The following SYNE2 variants were observed in gnomAD, a reference collection of about 807,000 sequenced individuals.
SYNE2 encodes the protein nesprin-2.
SYNE2 carries 431 observed loss-of-function variants against 856.3 expected under a neutral mutation model. That is an observed-to-expected ratio of 0.50 (90% CI 0.47 to 0.55). The LOEUF is 0.55. Ranked by LOEUF, SYNE2 falls within the 20% of genes least tolerant of loss-of-function variation. The pLI is 0.00. For missense variants in SYNE2, 8,129 were observed against 8,023.2 expected (o/e 1.01, Z -0.50); for synonymous variants, 2,923 against 2,872.3 (o/e 1.02, Z -0.56).
intron 13 of SYNE2, 105 bp downstream of exon 13, chr14:63,978,122 G>A (rs2096558561): frequency 2.5e-6 from 2 of 792,080 alleles, no homozygotes; most frequent in African/African-American, 1.7e-5. Flanking sequence ...TTTTTACCAA[G>A]TATTCTCCTT....
At chr14:63,815,205 C>CATATACATATGGATATATAT (rs1888910801) in intron 1 of SYNE2, among the ~76,000 whole-genome samples, 1 of 94,612 alleles carries the variant, frequency 1.1e-5, no homozygotes, top group Non-Finnish European at 2.2e-5. Flanking sequence ...TATATATATC[C>CATATACATATGGATATATAT]ATATATATAT....
At chr14:64,224,693 CTCTAGTCACTCT>C (rs1389782502) in intron 114 of SYNE2, 146 bp downstream of exon 114, 1 of 888,954 alleles carries the variant, frequency 1.1e-6, no homozygotes, top group Non-Finnish European at 1.8e-6. Context: ...TACAGTCTGC[CTCTAGTCACTCT>C]TCTTTGGGAT....
intron 32 of SYNE2, among the ~76,000 whole-genome samples, chr14:64,013,993 C>T (rs1284692442): frequency 5.3e-5 from 8 of 152,094 alleles, no homozygotes; most frequent in Non-Finnish European, 8.8e-5. Flanking sequence ...TTTCTAGCCC[C>T]ATCCACTTCC....
chr14:63,874,874 A>C (rs1315683823), intron 1 of SYNE2, among the ~76,000 whole-genome samples: 1 of 152,162 alleles, frequency 6.6e-6, no homozygotes, highest in Non-Finnish European at 1.5e-5. Flanking sequence ...TGATTTAATG[A>C]CATAGAAAAT....
chr14:63,943,513 G>A (rs184714601), intron 6 of SYNE2, among the ~76,000 whole-genome samples: 3 of 152,044 alleles, frequency 2.0e-5, no homozygotes, highest in Admixed American at 2.0e-4. Flanking sequence ...TTCTGGATAC[G>A]TGCATTTGTA....
chr14:63,985,834 C>T (rs2096621298), intron 18 of SYNE2, among the ~76,000 whole-genome samples: 1 of 152,110 alleles, frequency 6.6e-6, no homozygotes, highest in Non-Finnish European at 1.5e-5. Context: ...CACAGTGAGA[C>T]CCCATCTCTA....
intron 63 of SYNE2, 81 bp from the exon 64 acceptor site, chr14:64,101,851 A>G: frequency 1.0e-6 from 1 of 1,001,808 alleles, no homozygotes; most frequent in Admixed American, 1.8e-5. Flanking sequence ...AGTCTGGTAT[A>G]AAAGACGTGA....
chr14:63,897,765 T>C (rs1437658343), intron 1 of SYNE2, among the ~76,000 whole-genome samples: 1 of 152,124 alleles, frequency 6.6e-6, no homozygotes, highest in Non-Finnish European at 1.5e-5. Context: ...TGTTTATTCC[T>C]CAAGGACCCC....
At chr14:64,209,613 A>G in intron 102 of SYNE2, 35 bp downstream of exon 102, 1 of 1,612,734 alleles carries the variant, frequency 6.2e-7, no homozygotes, top group Non-Finnish European at 8.5e-7. Context: ...TCCTGATCAT[A>G]ACCAAGCCTG....
intron 1 of SYNE2, among the ~76,000 whole-genome samples, chr14:63,788,834 T>C (rs1373276307): frequency 6.6e-6 from 1 of 152,180 alleles, no homozygotes; most frequent in Non-Finnish European, 1.5e-5. Context: ...AGAACTAGCA[T>C]ATGATCCAGC....
intron 78 of SYNE2, among the ~76,000 whole-genome samples, chr14:64,135,777 C>T (rs1427586532): frequency 6.6e-6 from 1 of 152,178 alleles, no homozygotes; most frequent in African/African-American, 2.4e-5. Context: ...AAGACATATC[C>T]TGTAAAGCCC....
At chr14:63,794,299 A>G (rs7493843) in intron 1 of SYNE2, among the ~76,000 whole-genome samples, 96,144 of 152,038 alleles carry the variant, frequency 0.63, 30,861 homozygotes, top group South Asian at 0.75. Flanking sequence ...TTGGCTCACC[A>G]CAACCTCCGC....
rs750341136 is a variant in SYNE2, at chr14:64,218,444, C to T, written c.19589C>T (p.Pro6530Leu). 74 of 1,613,946 alleles carry T rather than the reference C, an allele frequency of 4.6e-5. No individual in the cohort carries two copies. Among genetic ancestry groups the T allele is most frequent in the Non-Finnish European group, 5.4e-5 (64 of 1,180,020 alleles). Residue 6530 changes from proline (P) to leucine (L), a missense_variant, in exon 109 of 116, where the codon CCG becomes CTG. By Grantham distance (98) the Pro-to-Leu change is moderately conservative (BLOSUM62 -3). This residue lies in a region of SYNE2 where 5,410 missense variants were observed against 5,284.8 expected (regional missense o/e 1.02). Transcript: ENST00000555002. ...GGCACGGATGGTGGCAAAGAAGGCCCGCGAGTCCTGAATGGCAACCCACAG... is the reference window on the plus strand; with the variant it reads ...GGCACGGATGGTGGCAAAGAAGGCCTGCGAGTCCTGAATGGCAACCCACAG... ...PPGTDGGKEG[P>L]RVLNGNPQQE...
At chr14:64,114,954 A>T (rs1428204611) in intron 66 of SYNE2, among the ~76,000 whole-genome samples, 6 of 152,154 alleles carry the variant, frequency 3.9e-5, no homozygotes, top group Non-Finnish European at 7.4e-5. Context: ...GTTCACTCAG[A>T]TACTGGCACT....
intron 77 of SYNE2, among the ~76,000 whole-genome samples, 168 bp from the exon 78 acceptor site, chr14:64,133,901 A>G (rs1254814154): frequency 6.6e-6 from 1 of 152,178 alleles, no homozygotes; most frequent in East Asian, 1.9e-4. Flanking sequence ...TTTCCATTAG[A>G]TGCTGAGCGC....
intron 61 of SYNE2, chr14:64,094,990 G>C (rs1012522291): frequency 5.9e-6 from 1 of 168,692 alleles, no homozygotes; most frequent in Non-Finnish European, 1.5e-5. Flanking sequence ...AATGAGAAGA[G>C]TGACATTGTT....
chr14:64,155,497 A>G (rs1397320105), intron 85 of SYNE2, among the ~76,000 whole-genome samples: 1 of 152,036 alleles, frequency 6.6e-6, no homozygotes, highest in Non-Finnish European at 1.5e-5. Context: ...AGTCATGAAA[A>G]TGTTCTAAAA....
chr14:63,990,655 C>G, intron 20 of SYNE2, 86 bp downstream of exon 20: 1 of 1,180,624 alleles, frequency 8.5e-7, no homozygotes, highest in Non-Finnish European at 1.3e-6. Flanking sequence ...GGTGATAGCC[C>G]TGTAGCTTGG....
chr14:64,073,961 C>T lies in SYNE2; in HGVS notation c.10698-7C>T. The T allele has an allele frequency of 6.2e-7, 1 of 1,613,654 alleles. No individual in the cohort carries two copies. Among genetic ancestry groups the T allele is most frequent in the Non-Finnish European group, 8.5e-7 (1 of 1,179,826 alleles). On this transcript the variant is annotated splice_polypyrimidine_tract_variant and splice_region_variant and intron_variant, in intron 52 of 115. Coordinates refer to ENST00000555002, the MANE Select transcript of SYNE2 (RefSeq NM_182914.3). ...AGAAACAATTATATTTTGACGTTCTCTTTTAGGCTTCTTCAGAAAGTTCAG... is the reference window on the plus strand; with the variant it reads ...AGAAACAATTATATTTTGACGTTCTTTTTTAGGCTTCTTCAGAAAGTTCAG...
Sources: allele counts gnomAD v4.1 joint callset (sites outside exome capture counted in the v4.1 genomes callset), GRCh38; gene constraint gnomAD v4.1.1; regional missense constraint gnomAD v4.1.1; transcripts MANE v1.5; gene names NCBI Gene and HGNC (gene_info 2026-07-23, HGNC 2026-07-21).